The following MORN1 variants were observed in gnomAD, a reference collection of about 807,000 sequenced individuals.
The protein encoded by MORN1 is MORN repeat-containing protein 1.
In MORN1, 67 loss-of-function variants were observed where a neutral mutation model predicts 61.9. The ratio of observed to expected loss-of-function variants is 1.08; its 90% CI spans 0.89 to 1.33. The LOEUF (loss-of-function observed/expected upper bound fraction) is 1.33, where lower values mean the gene tolerates loss of function less well. Among genes scored for constraint, MORN1 ranks in the 40% most tolerant of loss-of-function variants. The pLI is 0.00. For synonymous variants in MORN1, 301 were observed against 292.0 expected, an observed-to-expected ratio of 1.03 and a Z score of -0.31; for missense variants, 752 against 691.2, an observed-to-expected ratio of 1.09 and a Z score of -0.99.
At position 2,337,897 on chromosome 1, in the gene MORN1, C is replaced by A. The variant is rs906085537; in HGVS notation, c.1037-1047G>T. ...CCAGGCAGTGACACCATCAAAAAAA[C>A]AGAAGAGACCCAGCTCCAGGATGGA... On this transcript the variant is annotated intron_variant, in intron 10 of 13. Transcript: ENST00000378531. The surrounding 1 kb of genome is among the most constrained non-coding windows in gnomAD (Gnocchi z 5.7). Among the ~76,000 whole-genome samples, 5 of 152,166 alleles carry A rather than the reference C, an allele frequency of 3.3e-5. No homozygotes were observed. Among genetic ancestry groups the A allele is most frequent in the Non-Finnish European group, 7.3e-5 (5 of 68,028 alleles).
At chr1:2,388,775 C>CAAAAAAAA (rs57362688) in intron 2 of MORN1, among the ~76,000 whole-genome samples, 1 of 64,570 alleles carries the variant, frequency 1.5e-5, no homozygotes, top group Non-Finnish European at 2.6e-5. Context: ...AAGACTGTCT[C>CAAAAAAAA]AAAAAAAAAA....
At chr1:2,374,652 C>T in intron 6 of MORN1, 95 bp from the exon 7 acceptor site, 1 of 1,046,322 alleles carries the variant, frequency 9.6e-7, no homozygotes, top group Non-Finnish European at 1.4e-6. Flanking sequence ...TACAGCAGGG[C>T]CCCAGGACCA....
In MORN1 at chr1:2,323,272, C is replaced by G. The variant is rs75453348; in HGVS notation, c.1297+825G>C. The stretch of plus-strand genomic sequence containing the variant: ...GGCCACACGGGTGCCGTCCCCACGA[C>G]CAGGGTGGCTCTGCTTGTTCTCCCG... On this transcript the variant is annotated intron_variant, in intron 13 of 13. Coordinates refer to ENST00000378531, the MANE Select transcript of MORN1 (RefSeq NM_024848.3). The G allele has an allele frequency of 1.3e-5, 13 of 985,272 alleles. No homozygotes were observed. In the Admixed American group the frequency reaches 1.8e-4, roughly 14 times the overall value. 61.0% of individuals were successfully genotyped at this position (985,272 alleles called of 1,614,324 possible).
intron 6 of MORN1, among the ~76,000 whole-genome samples, chr1:2,382,900 A>G (rs1642404405): frequency 1.3e-5 from 2 of 152,118 alleles, no homozygotes; most frequent in South Asian, 4.1e-4. Context: ...ACTTTTACCC[A>G]AGCAGGATGC....
At chr1:2,338,204 A>ATAT (rs1229552512) in intron 10 of MORN1, among the ~76,000 whole-genome samples, 1 of 152,188 alleles carries the variant, frequency 6.6e-6, no homozygotes, top group African/African-American at 2.4e-5. Flanking sequence ...AGCCTCAGAA[A>ATAT]TATTTCCAAA....
At chr1:2,340,848 C>A (rs1168923191) in intron 10 of MORN1, among the ~76,000 whole-genome samples, 3 of 152,172 alleles carry the variant, frequency 2.0e-5, no homozygotes, top group African/African-American at 7.2e-5. Flanking sequence ...GAGGCTGCCA[C>A]ACAGGCTACC....
At chr1:2,325,053 G>A (rs1449408293) in intron 12 of MORN1, among the ~76,000 whole-genome samples, 4 of 145,532 alleles carry the variant, frequency 2.7e-5, no homozygotes, top group South Asian at 2.3e-4. Flanking sequence ...CCTCCTCCCC[G>A]GGCAGTGAGA....
At chr1:2,390,105 T>C in intron 1 of MORN1, 109 bp from the exon 2 acceptor site, 1 of 1,016,248 alleles carries the variant, frequency 9.8e-7, no homozygotes, top group Middle Eastern at 2.0e-4. Context: ...AAGGGGTTGG[T>C]ACACGTCACC....
chr1:2,372,626 T>C lies in MORN1; in HGVS notation c.635-35A>G. The C allele has an allele frequency of 6.4e-7, 1 of 1,552,656 alleles. No individual in the cohort carries two copies. Among genetic ancestry groups the C allele is most frequent in the Non-Finnish European group, 8.8e-7 (1 of 1,132,618 alleles). On this transcript the variant is annotated intron_variant, in intron 7 of 13. Transcript: ENST00000378531. The surrounding 1 kb of genome is among the most constrained non-coding windows in gnomAD (Gnocchi z 5.4). ...GACAGAGTGTGGCTTTAGCGGTGAC[T>C]GGCATGGTCCCCCACCCACCCCATG... is the stretch of plus-strand genomic sequence containing the variant.
At chr1:2,336,129 C>T (rs927329789) in intron 12 of MORN1, among the ~76,000 whole-genome samples, 1 of 152,222 alleles carries the variant, frequency 6.6e-6, no homozygotes, top group Non-Finnish European at 1.5e-5. Flanking sequence ...GGCCACCAGC[C>T]GTCTTCCTCT....
chr1:2,342,315 G>A (rs551225916), intron 10 of MORN1, among the ~76,000 whole-genome samples: 16 of 152,238 alleles, frequency 1.1e-4, no homozygotes, highest in South Asian at 2.1e-4. Flanking sequence ...AAGGCTGCTC[G>A]GGCCAGGCCA....
intron 10 of MORN1, among the ~76,000 whole-genome samples, chr1:2,344,222 C>T (rs376513683): frequency 1.3e-5 from 2 of 152,114 alleles, no homozygotes; most frequent in South Asian, 2.1e-4. Flanking sequence ...CTTGCGAGAG[C>T]GGCATCACCT....
chr1:2,357,312 T>C lies in MORN1; in HGVS notation c.1036+120A>G. ...CCTCCTTTCACCCACGCGTGATGACTGACCCTGGGTGCGGCTTGCTCCTGC... is the reference window on the plus strand; with the variant it reads ...CCTCCTTTCACCCACGCGTGATGACCGACCCTGGGTGCGGCTTGCTCCTGC... On this transcript the variant is annotated intron_variant, in intron 10 of 13. Coordinates refer to ENST00000378531, the MANE Select transcript of MORN1 (RefSeq NM_024848.3). The surrounding 1 kb of genome is among the most constrained non-coding windows in gnomAD (Gnocchi z 6.3). 1 of 1,127,490 alleles carries C rather than the reference T, an allele frequency of 8.9e-7. No individual in the cohort carries two copies. Among genetic ancestry groups the C allele is most frequent in the Non-Finnish European group, 1.3e-6 (1 of 799,592 alleles). 69.8% of individuals were successfully genotyped at this position (1,127,490 alleles called of 1,614,324 possible).
intron 12 of MORN1, among the ~76,000 whole-genome samples, chr1:2,330,559 G>A (rs549563331): frequency 6.6e-6 from 1 of 152,186 alleles, no homozygotes; most frequent in Non-Finnish European, 1.5e-5. Context: ...GAGCATCCAC[G>A]ATCTTTTCAA....
At chr1:2,388,171 T>C in intron 3 of MORN1, 68 bp downstream of exon 3, 1 of 1,252,188 alleles carries the variant, frequency 8.0e-7, no homozygotes, top group Non-Finnish European at 1.2e-6. Flanking sequence ...GCATCTAGAC[T>C]CGGCGGACCA....
chr1:2,370,706 C>T (rs1390473353), intron 8 of MORN1, among the ~76,000 whole-genome samples: 1 of 149,788 alleles, frequency 6.7e-6, no homozygotes, highest in African/African-American at 2.5e-5. Context: ...GACAGGGTCT[C>T]CCTCTGTCAC....
chr1:2,376,857 T>C (rs1367946067), intron 6 of MORN1: 4 of 152,116 alleles, frequency 2.6e-5, no homozygotes, highest in Non-Finnish European at 5.9e-5. Flanking sequence ...ATCACACCTT[T>C]GACAATTCGG....
chr1:2,381,881 A>G (rs753065104), intron 6 of MORN1, among the ~76,000 whole-genome samples: 2 of 152,166 alleles, frequency 1.3e-5, no homozygotes, highest in Non-Finnish European at 2.9e-5. Flanking sequence ...CCCTCCAGCA[A>G]GGCCCGGGCC....
chr1:2,366,095 A>C (rs1433964706), intron 8 of MORN1, among the ~76,000 whole-genome samples: 3 of 149,348 alleles, frequency 2.0e-5, no homozygotes, highest in Non-Finnish European at 4.5e-5. Context: ...CAACAATGAT[A>C]GACTGGATTA....
Sources: allele counts gnomAD v4.1 joint callset (sites outside exome capture counted in the v4.1 genomes callset), GRCh38; gene constraint gnomAD v4.1.1; non-coding constraint Gnocchi (gnomAD v3.1); transcripts MANE v1.5; gene names NCBI Gene and HGNC (gene_info 2026-07-23, HGNC 2026-07-21).